NRG1: variants seen among roughly 807,000 people sequenced by gnomAD.
NRG1 encodes the protein neuregulin 1.
NRG1 carries 18 observed loss-of-function variants against 63.8 expected under a neutral mutation model. That is an observed-to-expected ratio of 0.28 (90% CI 0.19 to 0.42). NRG1 has a LOEUF of 0.42. NRG1 is among the 10% of genes least tolerant of loss of function. The pLI is 1.00. For synonymous variants in NRG1, 302 were observed against 301.3 expected (o/e 1.00, Z -0.02); for missense variants, 762 against 814.7 (o/e 0.94, Z 0.79).
intron 5 of NRG1, among the ~76,000 whole-genome samples, chr8:32,655,683 T>C (rs1292913915): frequency 6.6e-6 from 1 of 152,152 alleles, no homozygotes; most frequent in East Asian, 1.9e-4. Flanking sequence ...TTATACAAAT[T>C]GGTTAGAATA....
chr8:31,826,781 A>G (rs188618814), intron 1 of NRG1, among the ~76,000 whole-genome samples: 1 of 152,328 alleles, frequency 6.6e-6, no homozygotes, highest in Non-Finnish European at 1.5e-5. Context: ...TTCAGCCCTC[A>G]AATAGCCTCT....
intron 1 of NRG1, among the ~76,000 whole-genome samples, chr8:32,516,167 T>C (rs1829805032): frequency 6.6e-6 from 1 of 152,206 alleles, no homozygotes; most frequent in African/African-American, 2.4e-5. Context: ...TAAGGAGTCA[T>C]TTCCCCATTG....
intron 1 of NRG1, among the ~76,000 whole-genome samples, chr8:32,543,223 G>C (rs1187549477): frequency 2.0e-5 from 3 of 152,002 alleles, no homozygotes; most frequent in Non-Finnish European, 4.4e-5. Flanking sequence ...CCAGTAAAGG[G>C]AATGAGAAAT....
intron 1 of NRG1, among the ~76,000 whole-genome samples, chr8:32,213,017 T>C (rs1351108668): frequency 2.0e-5 from 3 of 152,192 alleles, no homozygotes; most frequent in African/African-American, 4.8e-5. Context: ...AACTCCTTTT[T>C]ACCTTGAGGT....
At chr8:31,817,524 A>G (rs1236632604) in intron 1 of NRG1, among the ~76,000 whole-genome samples, 1 of 152,210 alleles carries the variant, frequency 6.6e-6, no homozygotes, top group African/African-American at 2.4e-5. Flanking sequence ...TTTGCATTTG[A>G]ATGGGGGAAA....
At chr8:32,501,255 T>C (rs911351186) in intron 1 of NRG1, among the ~76,000 whole-genome samples, 2 of 152,238 alleles carry the variant, frequency 1.3e-5, no homozygotes, top group African/African-American at 4.8e-5. Context: ...GATTTTAAGA[T>C]AATAATGTGA....
intron 1 of NRG1, among the ~76,000 whole-genome samples, chr8:32,194,719 A>G (rs543988404): frequency 6.6e-6 from 1 of 152,276 alleles, no homozygotes; most frequent in South Asian, 2.1e-4. Context: ...GTAAAAAGTG[A>G]GACCAATGGA....
intron 1 of NRG1, among the ~76,000 whole-genome samples, chr8:31,955,345 A>G (rs1056028462): frequency 2.6e-5 from 4 of 152,268 alleles, no homozygotes; most frequent in African/African-American, 7.2e-5. Context: ...TATTTCTAAC[A>G]TGCAATACAG....
chr8:31,900,187 T>C (rs1831953712), intron 1 of NRG1, among the ~76,000 whole-genome samples: 2 of 152,338 alleles, frequency 1.3e-5, no homozygotes, highest in South Asian at 4.1e-4. Context: ...AGTGGCTTTA[T>C]ATACAGTCCA....
intron 1 of NRG1, among the ~76,000 whole-genome samples, chr8:32,378,943 A>G (rs577219861): frequency 3.3e-4 from 50 of 152,280 alleles, no homozygotes; most frequent in African/African-American, 1.2e-3. Flanking sequence ...TACAAAGGAC[A>G]TGAACTCATC....
At position 32,587,907 on chromosome 8, in the gene NRG1, G is replaced by GTT. The variant is rs771016204; in HGVS notation, c.101-7915_101-7914dup. On this transcript the variant is annotated intron_variant, in intron 1 of 11. Coordinates refer to ENST00000356819, the Ensembl canonical transcript of NRG1. ...AATGGCCCTCTGTTTGTACATGTGG[G>GTT]TTTTTTTGTTTTGTTTTGTTTTGTT... Among the ~76,000 whole-genome samples the GTT allele has an allele frequency of 2.6e-4, 34 of 129,352 alleles. 1 individual carries two copies. The highest frequency in any genetic ancestry group is 5.0e-4 in the Admixed American group (6 of 11,910). The allele number at this position is 129,352 out of a possible 152,430, so 84.9% of individuals were successfully genotyped here. A position where few individuals can be genotyped will look rare whatever the true frequency, so the allele number is the denominator to read the frequency against.
intron 1 of NRG1, among the ~76,000 whole-genome samples, chr8:31,719,602 C>T (rs116826509): frequency 1.4e-4 from 21 of 152,252 alleles, no homozygotes; most frequent in African/African-American, 3.1e-4. Context: ...CAAATCGCTG[C>T]GGTTACTTTA....
At chr8:31,779,988 G>A (rs984187658) in intron 1 of NRG1, among the ~76,000 whole-genome samples, 1 of 152,212 alleles carries the variant, frequency 6.6e-6, no homozygotes, top group Non-Finnish European at 1.5e-5. Context: ...GAATACATCA[G>A]TGCCAGAATG....
At chr8:32,199,060 A>C (rs13266935) in intron 1 of NRG1, among the ~76,000 whole-genome samples, 25,652 of 152,048 alleles carry the variant, frequency 0.17, 2,972 homozygotes, top group Non-Finnish European at 0.25. Flanking sequence ...TATTTTGAAC[A>C]ATCTTTTATT....
At chr8:32,457,350 G>A (rs927791462) in intron 1 of NRG1, among the ~76,000 whole-genome samples, 5 of 152,054 alleles carry the variant, frequency 3.3e-5, no homozygotes, top group African/African-American at 1.2e-4. Flanking sequence ...GTCATGTATG[G>A]CCTGATTCTT....
At chr8:31,913,544 T>A (rs1306697894) in intron 1 of NRG1, among the ~76,000 whole-genome samples, 3 of 152,224 alleles carry the variant, frequency 2.0e-5, no homozygotes, top group Non-Finnish European at 4.4e-5. Context: ...TGTCAGATAC[T>A]GAGTTATCCA....
chr8:31,640,364 C>T lies in NRG1; in HGVS notation c.37+933C>T, dbSNP rs986700905. On this transcript the variant is annotated intron_variant, in intron 1 of 10. Transcript: ENST00000519301. This position sits in a 1 kb window ranked among gnomAD's most constrained non-coding sequence, Gnocchi z 6.3. ...GCCGCGGGCCCACGGGCGCTGGGGC[C>T]GCCCGCCGAGGAGCCGCTGCTCGCC... 6.4e-6 allele frequency: 8 copies of T among 1,250,872 alleles called. No homozygotes were observed. The African/African-American group carries it at 9.4e-5, about 15-fold the overall frequency. 77.5% of individuals were successfully genotyped at this position (1,250,872 alleles called of 1,614,324 possible).
chr8:32,145,657 T>G (rs2131777365), intron 1 of NRG1, among the ~76,000 whole-genome samples: 1 of 152,354 alleles, frequency 6.6e-6, no homozygotes, highest in East Asian at 1.9e-4. Flanking sequence ...GTAAAGTTAC[T>G]GCAATGGGCC....
chr8:32,212,295 G>A (rs1844779412), intron 1 of NRG1, among the ~76,000 whole-genome samples: 1 of 152,046 alleles, frequency 6.6e-6, no homozygotes, highest in African/African-American at 2.4e-5. Context: ...ATAGCGTCAG[G>A]CAATTTAAGA....
Sources: allele counts gnomAD v4.1 joint callset (sites outside exome capture counted in the v4.1 genomes callset), GRCh38; gene constraint gnomAD v4.1.1; non-coding constraint Gnocchi (gnomAD v3.1); transcripts MANE v1.5; gene names NCBI Gene and HGNC (gene_info 2026-07-23, HGNC 2026-07-21).